ARHGAP31: variants seen among roughly 807,000 people sequenced by gnomAD.
ARHGAP31 encodes the protein Rho GTPase activating protein 31, also known as rho GTPase-activating protein 31.
A neutral mutation model predicts 113.9 loss-of-function variants in ARHGAP31; 34 were observed. That is an observed-to-expected ratio of 0.30 (90% CI 0.23 to 0.40). The LOEUF (loss-of-function observed/expected upper bound fraction) is 0.40, where lower values mean the gene tolerates loss of function less well. ARHGAP31 is among the 10% of genes least tolerant of loss of function. The pLI is 1.00. For synonymous variants in ARHGAP31, 650 were observed against 684.8 expected, an observed-to-expected ratio of 0.95 and a Z score of 0.79; for missense variants, 1,548 against 1,767.1, an observed-to-expected ratio of 0.88 and a Z score of 2.22.
chr3:119,405,068 A>G (rs1577032178), intron 10 of ARHGAP31, among the ~76,000 whole-genome samples: 1 of 152,360 alleles, frequency 6.6e-6, no homozygotes, highest in East Asian at 1.9e-4. Context: ...GAATTTCCCT[A>G]AGAGATATTA....
chr3:119,402,395 C>T lies in ARHGAP31; in HGVS notation c.1643C>T (p.Ala548Val), dbSNP rs772451058. The change falls in exon 10 of 12, where the codon GCA (alanine) becomes GTA (valine). Residue 548 changes from alanine (A) to valine (V), a missense_variant and splice_region_variant. Transcript: ENST00000264245. Reference protein sequence around the residue: ...EEKPLGAETSAASVPKKAGLE... With the variant: ...EEKPLGAETSVASVPKKAGLE... ...AAACCGCTGGGAGCTGAGACTTCTG[C>T]AGGTAAGTAGAGGAGAGAGGGTATC... is the stretch of plus-strand genomic sequence containing the variant. The T allele has an allele frequency of 1.2e-6, 2 of 1,612,500 alleles. No individual in the cohort carries two copies. Among genetic ancestry groups the T allele is most frequent in the African/African-American group, 2.7e-5 (2 of 74,916 alleles).
chr3:119,403,108 G>A (rs761346087), intron 10 of ARHGAP31, among the ~76,000 whole-genome samples: 3 of 152,174 alleles, frequency 2.0e-5, no homozygotes, highest in Non-Finnish European at 4.4e-5. Flanking sequence ...ACATAAAATG[G>A]AAGCAGGGAG....
intron 1 of ARHGAP31, among the ~76,000 whole-genome samples, chr3:119,352,600 C>T (rs1267213683): frequency 2.7e-5 from 4 of 150,404 alleles, no homozygotes; most frequent in African/African-American, 7.3e-5. Flanking sequence ...ATTACCTCCC[C>T]TCCCTCTTCC....
intron 1 of ARHGAP31, among the ~76,000 whole-genome samples, chr3:119,352,380 T>G (rs1314366195): frequency 6.6e-6 from 1 of 152,152 alleles, no homozygotes; most frequent in African/African-American, 2.4e-5. Flanking sequence ...ACTGATGACT[T>G]GTGGACCCAG....
intron 11 of ARHGAP31, among the ~76,000 whole-genome samples, chr3:119,412,825 A>T (rs146579171): frequency 0.015 from 2,325 of 150,498 alleles, 63 homozygotes; most frequent in African/African-American, 0.055. Context: ...GGAGTTTGAG[A>T]CCAGCCTAGC....
At chr3:119,360,056 G>A (rs979023385) in intron 1 of ARHGAP31, among the ~76,000 whole-genome samples, 7 of 151,936 alleles carry the variant, frequency 4.6e-5, no homozygotes, top group African/African-American at 1.7e-4. Context: ...TGTTTCCTCC[G>A]GCTCCTTTGT....
intron 1 of ARHGAP31, among the ~76,000 whole-genome samples, chr3:119,318,318 GT>G (rs2079752089): frequency 6.6e-6 from 1 of 152,154 alleles, no homozygotes; most frequent in Admixed American, 6.5e-5. Context: ...AGGTCTAATG[GT>G]TTTTAACTGG....
At chr3:119,413,179 T>C (rs1434290282) in intron 11 of ARHGAP31, among the ~76,000 whole-genome samples, 1 of 147,648 alleles carries the variant, frequency 6.8e-6, no homozygotes, top group Non-Finnish European at 1.5e-5. Context: ...TAGCCAGGTG[T>C]GGTGGTGTGC....
At chr3:119,302,282 C>T (rs1251573683) in intron 1 of ARHGAP31, among the ~76,000 whole-genome samples, 5 of 152,182 alleles carry the variant, frequency 3.3e-5, no homozygotes, top group Admixed American at 2.0e-4. Flanking sequence ...TAGACTTTGC[C>T]GCAGTATACA....
intron 7 of ARHGAP31, among the ~76,000 whole-genome samples, chr3:119,392,133 AG>A (rs1416336120): frequency 6.6e-6 from 1 of 152,184 alleles, no homozygotes; most frequent in East Asian, 1.9e-4. Flanking sequence ...AGCACTGCAA[AG>A]CTATCTCAGA....
intron 1 of ARHGAP31, chr3:119,330,091 A>G: frequency 3.6e-6 from 3 of 842,110 alleles, no homozygotes; most frequent in Non-Finnish European, 4.3e-6. Flanking sequence ...GAACTGATCT[A>G]ATCACCCCAA....
rs528402073 is a variant in ARHGAP31 at position 119,338,989 on chromosome 3, G to T, written c.101-26327G>T. Among the ~76,000 whole-genome samples the T allele has an allele frequency of 4.6e-5, 7 of 152,332 alleles. No homozygotes were observed. The East Asian group carries it at 9.6e-4, about 21-fold the overall frequency. On this transcript the variant is annotated intron_variant, in intron 1 of 11. Transcript: ENST00000264245. ...AATTCCTGGCTAAGTTACATGTTTA[G>T]GTTAGCAGTTCAGAGTCATGAATTA...
chr3:119,360,791 A>G (rs1157314481), intron 1 of ARHGAP31, among the ~76,000 whole-genome samples: 1 of 152,204 alleles, frequency 6.6e-6, no homozygotes. Flanking sequence ...AAGATAACTG[A>G]TCTAGGAAAA....
intron 1 of ARHGAP31, among the ~76,000 whole-genome samples, chr3:119,338,084 A>C (rs2079974570): frequency 6.6e-6 from 1 of 152,246 alleles, no homozygotes; most frequent in South Asian, 2.1e-4. Flanking sequence ...TATGTATGCG[A>C]ATATATTTAG....
intron 1 of ARHGAP31, among the ~76,000 whole-genome samples, chr3:119,328,597 C>T (rs1330737587): frequency 1.3e-5 from 2 of 152,070 alleles, no homozygotes; most frequent in African/African-American, 4.8e-5. Context: ...TCCCTGCCCA[C>T]CCAAACCCCT....
At chr3:119,317,150 T>C (rs1205545114) in intron 1 of ARHGAP31, among the ~76,000 whole-genome samples, 1 of 152,186 alleles carries the variant, frequency 6.6e-6, no homozygotes, top group Admixed American at 6.5e-5. Context: ...TTTTATGTTT[T>C]GTATGGTATG....
In ARHGAP31 at chr3:119,416,286, C is replaced by T. The variant is rs1225449052; in HGVS notation, c.*22C>T. The T allele has an allele frequency of 1.2e-6, 2 of 1,611,334 alleles. No individual in the cohort carries two copies. The highest frequency in any genetic ancestry group is 2.2e-5 in the East Asian group (1 of 44,896). On this transcript the variant is annotated 3_prime_UTR_variant, in exon 12 of 12. Coordinates refer to ENST00000264245, the MANE Select transcript of ARHGAP31 (RefSeq NM_020754.4). ...ATGATTTCGGTTCACCTGCTGGTGTCTGAAAAAAACCGTGATTCATCTGGA... is the reference window on the plus strand; with the variant it reads ...ATGATTTCGGTTCACCTGCTGGTGTTTGAAAAAAACCGTGATTCATCTGGA...
At chr3:119,390,415 T>C (rs775258654) in intron 6 of ARHGAP31, among the ~76,000 whole-genome samples, 1 of 152,188 alleles carries the variant, frequency 6.6e-6, no homozygotes, top group Non-Finnish European at 1.5e-5. Flanking sequence ...CATATTCCCA[T>C]CTGGCCGAAG....
At chr3:119,365,705 G>A (rs546354557) in intron 2 of ARHGAP31, among the ~76,000 whole-genome samples, 1 of 152,206 alleles carries the variant, frequency 6.6e-6, no homozygotes, top group African/African-American at 2.4e-5. Context: ...TAACTCAAAT[G>A]ATTTAAATTA....
Sources: gnomAD v4.1 joint callset for allele counts (sites outside exome capture counted in the v4.1 genomes callset) on GRCh38, gnomAD v4.1.1 for gene constraint, MANE v1.5 for transcripts, NCBI Gene and HGNC (gene_info 2026-07-23, HGNC 2026-07-21) for gene names.